SLAMF1: variants seen among roughly 807,000 people sequenced by gnomAD.
SLAMF1 encodes the protein signaling lymphocytic activation molecule.
SLAMF1 carries 18 observed loss-of-function variants against 35.1 expected under a neutral mutation model. The observed-to-expected ratio is 0.51, with a 90% CI of 0.35 to 0.76. The LOEUF is 0.76. SLAMF1 is among the 30% of genes least tolerant of loss of function. The pLI, the probability that SLAMF1 is intolerant of heterozygous loss-of-function variation, is 0.01. For synonymous variants in SLAMF1, 168 were observed against 157.2 expected, an observed-to-expected ratio of 1.07 and a Z score of -0.51; for missense variants, 392 against 413.0, an observed-to-expected ratio of 0.95 and a Z score of 0.44.
In SLAMF1 at chr1:160,610,727, T is replaced by A. The variant is rs751620177; in HGVS notation, c.*21A>T. 2 of 1,598,064 alleles carry A rather than the reference T, an allele frequency of 1.3e-6. No individual in the cohort carries two copies. The highest frequency in any genetic ancestry group is 4.5e-5 in the East Asian group (2 of 44,828). ...GGTTTTTCCATTTTCCTTCAGAAAGTCCCTTTGTTGGTCTCTGGTGTCAGC... is the reference window on the plus strand; with the variant it reads ...GGTTTTTCCATTTTCCTTCAGAAAGACCCTTTGTTGGTCTCTGGTGTCAGC... On this transcript the variant is annotated 3_prime_UTR_variant, in exon 7 of 7. Coordinates refer to ENST00000302035, the MANE Select transcript of SLAMF1 (RefSeq NM_003037.5).
intron 3 of SLAMF1, among the ~76,000 whole-genome samples, chr1:160,626,798 A>C (rs116239632): frequency 6.6e-6 from 1 of 152,026 alleles, no homozygotes; most frequent in Non-Finnish European, 1.5e-5. Context: ...CAGCCAACCC[A>C]TCCTTCATCA....
chr1:160,636,906 G>A, intron 2 of SLAMF1: 1 of 411,056 alleles, frequency 2.4e-6, no homozygotes, highest in South Asian at 4.3e-5. Context: ...CAAGATCCTT[G>A]GGTCTATCGG....
rs1658858342 is a variant in SLAMF1 at position 160,609,334 on chromosome 1, A to AT, written c.*1413dup. The AT allele has an allele frequency of 6.6e-6, 1 of 152,364 alleles. No individual in the cohort carries two copies. The highest frequency in any genetic ancestry group is 1.9e-4 in the East Asian group (1 of 5,192). 9.4% of individuals were successfully genotyped at this position (152,364 alleles called of 1,614,324 possible). A position where few individuals can be genotyped will look rare whatever the true frequency, so the allele number is the denominator to read the frequency against. On this transcript the variant is annotated 3_prime_UTR_variant, in exon 7 of 7. Transcript: ENST00000302035. ...TCTTTTCAATAGGTTCCTTTTCTAC[A>AT]TAAAAAAGCCAAAGCCAGCTTCTGT...
At chr1:160,619,883 C>G (rs1287872124) in intron 4 of SLAMF1, 34 bp from the exon 5 acceptor site, 1 of 1,444,126 alleles carries the variant, frequency 6.9e-7, no homozygotes, top group Non-Finnish European at 9.8e-7. Flanking sequence ...TTATCTCCCT[C>G]TGGTCCCCAG....
rs191813611 is a variant in SLAMF1 at position 160,614,505 on chromosome 1, T to C, written c.865-1925A>G. On this transcript the variant is annotated intron_variant, in intron 5 of 6. Transcript: ENST00000302035. ...AGGAGAATCCCTTGAACCAGGGAGC[T>C]GGAGGTTGCAGTGAGCTGAGATGGC... Among the ~76,000 whole-genome samples the C allele has an allele frequency of 4.7e-5, 7 of 150,100 alleles. No individual in the cohort carries two copies. The East Asian group carries it at 1.4e-3, about 29-fold the overall frequency.
chr1:160,611,153 G>T (rs527581942), intron 6 of SLAMF1, among the ~76,000 whole-genome samples: 1 of 152,188 alleles, frequency 6.6e-6, no homozygotes, highest in African/African-American at 2.4e-5. Context: ...AGCCAAGAGA[G>T]TTGTAAATTA....
intron 5 of SLAMF1, among the ~76,000 whole-genome samples, chr1:160,616,274 ACT>A (rs1659296149): frequency 6.6e-6 from 1 of 151,780 alleles, no homozygotes; most frequent in Non-Finnish European, 1.5e-5. Context: ...TCCAGGAAGA[ACT>A]CTGTTACTTA....
intron 6 of SLAMF1, among the ~76,000 whole-genome samples, chr1:160,611,420 T>C (rs749866809): frequency 5.3e-5 from 8 of 152,226 alleles, no homozygotes; most frequent in Non-Finnish European, 8.8e-5. Context: ...TTCTTAGATA[T>C]GACAGTGAAG....
At chr1:160,631,462 T>A (rs7522135) in intron 3 of SLAMF1, among the ~76,000 whole-genome samples, 136,290 of 152,222 alleles carry the variant, frequency 0.9, 61,131 homozygotes, top group East Asian at 0.99. Flanking sequence ...GGGAGATGTT[T>A]TGGGCTGAAT....
At chr1:160,616,192 G>T (rs770079923) in intron 5 of SLAMF1, among the ~76,000 whole-genome samples, 1 of 152,088 alleles carries the variant, frequency 6.6e-6, no homozygotes, top group Non-Finnish European at 1.5e-5. Context: ...CAACTTTACC[G>T]TGATGTGGGT....
intron 4 of SLAMF1, among the ~76,000 whole-genome samples, chr1:160,620,636 A>G (rs979512224): frequency 6.6e-6 from 1 of 152,198 alleles, no homozygotes; most frequent in Non-Finnish European, 1.5e-5. Flanking sequence ...TCCATTAACC[A>G]ACCCAATTTC....
chr1:160,623,085 A>C (rs1164703974), intron 4 of SLAMF1, among the ~76,000 whole-genome samples: 1 of 152,156 alleles, frequency 6.6e-6, no homozygotes, highest in Non-Finnish European at 1.5e-5. Context: ...ATTCCCTTAG[A>C]GCACAACCAT....
intron 5 of SLAMF1, among the ~76,000 whole-genome samples, chr1:160,615,413 TA>T (rs1416599744): frequency 6.6e-6 from 1 of 152,006 alleles, no homozygotes; most frequent in Non-Finnish European, 1.5e-5. Flanking sequence ...GGGTAGCCAC[TA>T]AAAAGACTGA....
In SLAMF1 at chr1:160,627,989, C is replaced by T. The variant is rs551417416; in HGVS notation, c.701-3804G>A. Reference sequence around the variant, plus strand: ...TGATGGTTTTATAAATGGGAGCTCCCCTGCACAAACTCTCTTGCCTGCTGC... The same window carrying T: ...TGATGGTTTTATAAATGGGAGCTCCTCTGCACAAACTCTCTTGCCTGCTGC... On this transcript the variant is annotated intron_variant, in intron 3 of 6. Coordinates refer to ENST00000302035, the MANE Select transcript of SLAMF1 (RefSeq NM_003037.5). Among the ~76,000 whole-genome samples the T allele has an allele frequency of 4.6e-5, 7 of 152,216 alleles. No individual in the cohort carries two copies. The South Asian group carries it at 1.5e-3, about 32-fold the overall frequency.
chr1:160,621,837 G>A (rs910136560), intron 4 of SLAMF1, among the ~76,000 whole-genome samples: 1 of 143,326 alleles, frequency 7.0e-6, no homozygotes, highest in Non-Finnish European at 1.5e-5. Flanking sequence ...GATCCTGACT[G>A]AGGAGTGTGC....
chr1:160,637,356 A>T lies in SLAMF1; in HGVS notation c.250T>A (p.Ser84Thr). The change falls in exon 2 of 7, where the codon TCC (serine) becomes ACC (threonine). Residue 84 changes from serine (S) to threonine (T), a missense_variant. By Grantham distance (58) the Ser-to-Thr change is moderately conservative. Transcript: ENST00000302035. The stretch of plus-strand genomic sequence containing the variant: ...AGATAACGTGGAGGGCCTGCTTCGG[A>T]TGGATCAAGAGACACTATTTTGTTC... ...VENKIVSLDPSEAGPPRYLGD... is the reference protein window; with the variant it reads ...VENKIVSLDPTEAGPPRYLGD... The T allele has an allele frequency of 6.2e-7, 1 of 1,614,098 alleles. No homozygotes were observed. The highest frequency in any genetic ancestry group is 2.2e-5 in the East Asian group (1 of 44,884).
At chr1:160,615,003 G>A (rs1426459312) in intron 5 of SLAMF1, among the ~76,000 whole-genome samples, 1 of 152,082 alleles carries the variant, frequency 6.6e-6, no homozygotes, top group Non-Finnish European at 1.5e-5. Context: ...GCTCTGATAA[G>A]TCCTAGAAGA....
At chr1:160,636,615 A>G (rs1660466961) in intron 2 of SLAMF1, among the ~76,000 whole-genome samples, 1 of 152,256 alleles carries the variant, frequency 6.6e-6, no homozygotes, top group Non-Finnish European at 1.5e-5. Flanking sequence ...TTTATAACCA[A>G]AGCCTTTGTT....
At chr1:160,625,461 T>A (rs559568487) in intron 3 of SLAMF1, among the ~76,000 whole-genome samples, 1 of 152,284 alleles carries the variant, frequency 6.6e-6, no homozygotes, top group South Asian at 2.1e-4. Flanking sequence ...AATGAATTCA[T>A]AAAATGCAGC....
Sources: gnomAD v4.1 joint callset for allele counts (sites outside exome capture counted in the v4.1 genomes callset) on GRCh38, gnomAD v4.1.1 for gene constraint, MANE v1.5 for transcripts, NCBI Gene and HGNC (gene_info 2026-07-23, HGNC 2026-07-21) for gene names.